Variants in DCAF13 observed in about 807,000 individuals in gnomAD.
DCAF13 encodes the protein DDB1 and CUL4 associated factor 13.
Under a neutral mutation model 59.0 loss-of-function variants are expected in DCAF13, and 38 were observed. The observed-to-expected ratio is 0.64, with a 90% CI of 0.50 to 0.84. The LOEUF is 0.84. Among genes scored for constraint, DCAF13 ranks in the 40% least tolerant of loss-of-function variants. DCAF13 has a pLI of 0.00. For missense variants in DCAF13, 469 were observed against 558.4 expected (o/e 0.84, Z 1.61); for synonymous variants, 173 against 175.0 (o/e 0.99, Z 0.09).
chr8:103,417,619 G>C (rs1402944789), intron 1 of DCAF13, among the ~76,000 whole-genome samples: 1 of 147,254 alleles, frequency 6.8e-6, no homozygotes, highest in Non-Finnish European at 1.5e-5. Flanking sequence ...TCCAGCCTGG[G>C]TGACAGAGGG....
chr8:103,416,272 T>G (rs1816611224), intron 1 of DCAF13, among the ~76,000 whole-genome samples: 1 of 152,328 alleles, frequency 6.6e-6, no homozygotes, highest in Non-Finnish European at 1.5e-5. Flanking sequence ...GAGTAGGAGA[T>G]ATTATCAACA....
chr8:103,433,263 CT>C (rs1186810125), intron 7 of DCAF13, among the ~76,000 whole-genome samples: 3 of 152,062 alleles, frequency 2.0e-5, no homozygotes, highest in Non-Finnish European at 4.4e-5. Context: ...TATCAGGTAG[CT>C]GATGCTCATG....
rs762994652 is a variant in DCAF13 at position 103,420,316 on chromosome 8, T to C, written c.123T>C (p.Tyr41=). ...ATCCTTTTGAGGTCCCACGAGAATATATAAGAGCTTTAAATGCTACCAAAC... is the reference window on the plus strand; with the variant it reads ...ATCCTTTTGAGGTCCCACGAGAATACATAAGAGCTTTAAATGCTACCAAAC... The part of the protein sequence containing the change: ...ALHPFEVPRE[Y]IRALNATKLE... The change falls in exon 2 of 11, where the codon TAT becomes TAC. Residue 41 remains tyrosine, a synonymous_variant. Coordinates refer to ENST00000612750, the MANE Select transcript of DCAF13 (RefSeq NM_015420.7). The C allele has an allele frequency of 1.9e-6, 3 of 1,614,174 alleles. No homozygotes were observed. The highest frequency in any genetic ancestry group is 1.1e-5 in the South Asian group (1 of 91,080).
rs188510724 is a variant in DCAF13 at position 103,437,443 on chromosome 8, A to G, written c.950+1653A>G. On this transcript the variant is annotated intron_variant, in intron 8 of 10. Transcript: ENST00000612750. Reference sequence around the variant, plus strand: ...GCTGAGTTCAGGCTGAATTATTCCAAAGCTAGTGTGGACAGCTAAATGTAG... The same window carrying G: ...GCTGAGTTCAGGCTGAATTATTCCAGAGCTAGTGTGGACAGCTAAATGTAG... Among the ~76,000 whole-genome samples the G allele has an allele frequency of 3.5e-3, 534 of 152,298 alleles. 6 individuals are homozygous for G. Among genetic ancestry groups the G allele is most frequent in the African/African-American group, 0.012 (513 of 41,568 alleles).
At chr8:103,426,287 G>A (rs1023067215) in intron 4 of DCAF13, 142 bp downstream of exon 4, 4 of 516,118 alleles carry the variant, frequency 7.8e-6, no homozygotes, top group African/African-American at 2.0e-5. Flanking sequence ...ACCCATTTAC[G>A]CAATATTTAA....
intron 9 of DCAF13, 122 bp downstream of exon 9, chr8:103,440,393 T>C: frequency 1.2e-6 from 1 of 832,830 alleles, no homozygotes; most frequent in Non-Finnish European, 1.8e-6. Context: ...ATAGCTGTGA[T>C]AAAAAAAGCA....
Position 103,435,726 on chromosome 8 carries a change from G to T in DCAF13, c.886G>T (p.Glu296Ter). ...TGTGGATTACTCTCCCACTGGGAAG[G>T]AGTTTGTGTCTGCTAGTTTCGATAA... ...LDVDYSPTGK[E>*]FVSASFDKSI... The change falls in exon 8 of 11, where the codon GAG (glutamate) becomes TAG (stop). Residue 296 changes from glutamate to a stop codon, truncating the protein, a stop_gained. Coordinates refer to ENST00000612750, the MANE Select transcript of DCAF13 (RefSeq NM_015420.7). LOFTEE classifies it high-confidence loss of function. The T allele has an allele frequency of 1.2e-6, 2 of 1,613,794 alleles. No homozygotes were observed. The highest frequency in any genetic ancestry group is 1.7e-6 in the Non-Finnish European group (2 of 1,179,800).
chr8:103,421,191 G>A (rs1409453656), intron 3 of DCAF13, 109 bp downstream of exon 3: 1 of 769,432 alleles, frequency 1.3e-6, no homozygotes, highest in Non-Finnish European at 2.2e-6. Flanking sequence ...CCCTTTTGGA[G>A]TTTCACAATG....
chr8:103,434,883 A>T (rs559154380), intron 7 of DCAF13, among the ~76,000 whole-genome samples: 1 of 152,128 alleles, frequency 6.6e-6, no homozygotes, highest in Admixed American at 6.6e-5. Flanking sequence ...GGCCATGTTC[A>T]CTCTTACATA....
chr8:103,435,677 G>A lies in DCAF13; in HGVS notation c.837G>A (p.Met279Ile), dbSNP rs1586133565. The part of the protein sequence containing the change: ...RALDTPVMVH[M>I]DHVSAVLDVD... ...TGGACACTCCTGTAATGGTCCATAT[G>A]GATCATGTATCTGCAGTGCTTGATG... The change falls in exon 8 of 11, where the codon ATG (methionine) becomes ATA (isoleucine). Residue 279 changes from methionine (M) to isoleucine (I), a missense_variant. Around this residue, in one of 3 missense-constraint regions of DCAF13, gnomAD observed 355 missense variants for 399.1 expected, o/e 0.89. Coordinates refer to ENST00000612750, the MANE Select transcript of DCAF13 (RefSeq NM_015420.7). 1.2e-6 allele frequency: 2 copies of A among 1,612,440 alleles called. No homozygotes were observed. The highest frequency in any genetic ancestry group is 4.5e-5 in the East Asian group (2 of 44,850).
At chr8:103,433,974 C>T (rs1816899772) in intron 7 of DCAF13, among the ~76,000 whole-genome samples, 1 of 152,002 alleles carries the variant, frequency 6.6e-6, no homozygotes, top group Admixed American at 6.6e-5. Flanking sequence ...TAGCAAGGTA[C>T]CGTTTTTCAG....
chr8:103,426,271 T>C (rs1362298497), intron 4 of DCAF13, 126 bp downstream of exon 4: 2 of 556,826 alleles, frequency 3.6e-6, no homozygotes, highest in Non-Finnish European at 6.3e-6. Context: ...TAGGCTGTAA[T>C]TGTTGACCCA....
chr8:103,427,560 T>A, intron 5 of DCAF13: 1 of 356,860 alleles, frequency 2.8e-6, no homozygotes, highest in Non-Finnish European at 5.0e-6. Context: ...TTCAACTTCA[T>A]GTTCCATAGA....
chr8:103,428,416 A>G (rs1340954858), intron 5 of DCAF13: 1 of 152,238 alleles, frequency 6.6e-6, no homozygotes, highest in Non-Finnish European at 1.5e-5. Flanking sequence ...ATGATGGCAG[A>G]GTTAAGTAAT....
chr8:103,421,198 A>C (rs1244762686), intron 3 of DCAF13, 116 bp downstream of exon 3: 1 of 746,530 alleles, frequency 1.3e-6, no homozygotes, highest in East Asian at 2.7e-5. Context: ...GGAGTTTCAC[A>C]ATGCAAAATA....
At chr8:103,421,147 C>T in intron 3 of DCAF13, 65 bp downstream of exon 3, 2 of 1,107,060 alleles carry the variant, frequency 1.8e-6, no homozygotes, top group Non-Finnish European at 2.7e-6. Flanking sequence ...TAATTGAATA[C>T]ATTTTTTTTC....
At chr8:103,430,782 C>A in intron 6 of DCAF13, 93 bp downstream of exon 6, 1 of 921,800 alleles carries the variant, frequency 1.1e-6, no homozygotes, top group South Asian at 1.8e-5. Flanking sequence ...AATATTTTCT[C>A]AGAATTAAAA....
At chr8:103,421,212 T>C (rs1402091852) in intron 3 of DCAF13, 130 bp downstream of exon 3, 4 of 712,680 alleles carry the variant, frequency 5.6e-6, no homozygotes, top group Admixed American at 4.4e-5. Context: ...CAAAATAGCT[T>C]ATTAAACCTT....
At chr8:103,422,515 C>T (rs1248810321) in intron 3 of DCAF13, among the ~76,000 whole-genome samples, 1 of 151,908 alleles carries the variant, frequency 6.6e-6, no homozygotes, top group Non-Finnish European at 1.5e-5. Flanking sequence ...GCATAGTGTC[C>T]TAGGAGGAAG....
Sources: allele counts gnomAD v4.1 joint callset (sites outside exome capture counted in the v4.1 genomes callset), GRCh38; gene constraint gnomAD v4.1.1; regional missense constraint gnomAD v4.1.1; transcripts MANE v1.5; gene names NCBI Gene and HGNC (gene_info 2026-07-23, HGNC 2026-07-21).